The following ADAMTS17 variants were observed in gnomAD, a reference collection of about 807,000 sequenced individuals.
The protein encoded by ADAMTS17 is A disintegrin and metalloproteinase with thrombospondin motifs 17.
In ADAMTS17, 113 loss-of-function variants were observed where a neutral mutation model predicts 141.5. The ratio of observed to expected loss-of-function variants is 0.80; its 90% CI spans 0.69 to 0.93. The LOEUF is 0.93. Ranked by LOEUF, ADAMTS17 falls within the 40% of genes least tolerant of loss-of-function variation. The pLI is 0.00. For synonymous variants in ADAMTS17, 768 were observed against 630.6 expected (o/e 1.22, Z -3.27); for missense variants, 1,659 against 1,517.9 (o/e 1.09, Z -1.54).
intron 15 of ADAMTS17, among the ~76,000 whole-genome samples, chr15:100,054,958 C>T (rs2032444477): frequency 2.0e-5 from 3 of 152,114 alleles, no homozygotes; most frequent in Admixed American, 2.0e-4. Context: ...CTCATGAGGA[C>T]AGCACTCTGC....
At chr15:100,085,779 T>C (rs968100354) in intron 15 of ADAMTS17, among the ~76,000 whole-genome samples, 4 of 150,690 alleles carry the variant, frequency 2.7e-5, no homozygotes, top group Admixed American at 6.6e-5. Context: ...TAAAATATTA[T>C]ACAGACAAGC....
In ADAMTS17 at chr15:100,217,415, C is replaced by T. The variant is rs538735403; in HGVS notation, c.1076-17992G>A. 1.5e-3 allele frequency among the ~76,000 whole-genome samples: 233 copies of T among 152,148 alleles called. 1 individual carries two copies. The highest frequency in any genetic ancestry group is 5.2e-3 in the African/African-American group (215 of 41,514). The stretch of plus-strand genomic sequence containing the variant: ...GAGTTCAAGACCAGCCTGGCCAACA[C>T]GGGAAAACCCTGTCTCTACTAAAAA... On this transcript the variant is annotated intron_variant, in intron 7 of 21. Coordinates refer to ENST00000268070, the MANE Select transcript of ADAMTS17 (RefSeq NM_139057.4).
chr15:100,133,894 GT>G (rs2141249364), intron 10 of ADAMTS17, among the ~76,000 whole-genome samples: 1 of 43,626 alleles, frequency 2.3e-5, no homozygotes, highest in East Asian at 1.5e-3. Flanking sequence ...CAGCTGAGCT[GT>G]GCACAATTTT....
intron 3 of ADAMTS17, among the ~76,000 whole-genome samples, chr15:100,329,390 C>G (rs2045982220): frequency 6.6e-6 from 1 of 152,012 alleles, no homozygotes; most frequent in Non-Finnish European, 1.5e-5. Flanking sequence ...CAAAAATTAG[C>G]CAGGTGTGGT....
At chr15:100,219,822 A>G (rs902413560) in intron 7 of ADAMTS17, among the ~76,000 whole-genome samples, 5 of 152,210 alleles carry the variant, frequency 3.3e-5, no homozygotes, top group African/African-American at 1.2e-4. Flanking sequence ...CCTTCATGCA[A>G]AAAGATACAA....
chr15:100,148,020 T>G (rs1596558373), intron 10 of ADAMTS17, among the ~76,000 whole-genome samples: 1 of 152,226 alleles, frequency 6.6e-6, no homozygotes, highest in African/African-American at 2.4e-5. Context: ...TCCGACTTCA[T>G]GCTTCTATTG....
At chr15:99,978,978 T>C (rs1219237663) in intron 20 of ADAMTS17, 1 of 152,258 alleles carries the variant, frequency 6.6e-6, no homozygotes, top group East Asian at 1.9e-4. Context: ...TAGTTGTGTC[T>C]CTGCACACAC....
intron 8 of ADAMTS17, among the ~76,000 whole-genome samples, chr15:100,197,829 C>G (rs1261253748): frequency 6.6e-6 from 1 of 152,176 alleles, no homozygotes; most frequent in Non-Finnish European, 1.5e-5. Flanking sequence ...AAAACAACAA[C>G]AAAAACATGC....
In ADAMTS17 at chr15:100,313,671, T is replaced by C. The variant is rs555144224; in HGVS notation, c.616+17218A>G. ...ATACAGCATGTGCCTCCTGATAAGA[T>C]GCACTGAGCAGAACACAACATCACT... is the stretch of plus-strand genomic sequence containing the variant. On this transcript the variant is annotated intron_variant, in intron 3 of 21. Coordinates refer to ENST00000268070, the MANE Select transcript of ADAMTS17 (RefSeq NM_139057.4). Among the ~76,000 whole-genome samples, 30 of 152,320 alleles carry C rather than the reference T, an allele frequency of 2.0e-4. No homozygotes were observed. The South Asian group carries it at 4.8e-3, about 24-fold the overall frequency.
At chr15:100,012,654 C>G (rs757184086) in intron 18 of ADAMTS17, among the ~76,000 whole-genome samples, 5 of 152,114 alleles carry the variant, frequency 3.3e-5, no homozygotes, top group Admixed American at 1.3e-4. Flanking sequence ...CCTTTCCCCA[C>G]TTTATGTTTT....
chr15:100,234,891 C>G (rs112502952), intron 7 of ADAMTS17, among the ~76,000 whole-genome samples: 2 of 152,064 alleles, frequency 1.3e-5, no homozygotes, highest in Non-Finnish European at 2.9e-5. Context: ...TTTGTAACCA[C>G]GGGGTAGAGG....
At chr15:100,169,873 C>A (rs970902448) in intron 8 of ADAMTS17, among the ~76,000 whole-genome samples, 3 of 152,156 alleles carry the variant, frequency 2.0e-5, no homozygotes, top group African/African-American at 7.2e-5. Flanking sequence ...AAATCTTGGA[C>A]CAGCTTGAAG....
At chr15:100,084,877 A>G (rs2034996880) in intron 15 of ADAMTS17, among the ~76,000 whole-genome samples, 1 of 152,208 alleles carries the variant, frequency 6.6e-6, no homozygotes, top group South Asian at 2.1e-4. Context: ...GGTAGATAAA[A>G]CCACCAACAT....
intron 12 of ADAMTS17, among the ~76,000 whole-genome samples, chr15:100,123,419 T>C (rs949944184): frequency 5.9e-5 from 9 of 152,202 alleles, no homozygotes; most frequent in Admixed American, 3.9e-4. Context: ...GTCCAGTCTT[T>C]CCCTCACCCT....
Position 100,069,831 on chromosome 15 carries a change from C to T in ADAMTS17, c.2138-15777G>A, listed in dbSNP as rs554808298. On this transcript the variant is annotated intron_variant, in intron 15 of 21. Transcript: ENST00000268070. ...CCATCAAGGCTAGGAAGAAACTGCACCAACTAACGAGCAAAATATCCAGTT... is the reference window on the plus strand; with the variant it reads ...CCATCAAGGCTAGGAAGAAACTGCATCAACTAACGAGCAAAATATCCAGTT... Among the ~76,000 whole-genome samples, 9 of 149,924 alleles carry T rather than the reference C, an allele frequency of 6.0e-5. 1 individual carries two copies. Among genetic ancestry groups the T allele is most frequent in the South Asian group, 2.1e-4 (1 of 4,746 alleles).
chr15:100,124,478 C>T (rs771681153), intron 12 of ADAMTS17, among the ~76,000 whole-genome samples: 3 of 152,186 alleles, frequency 2.0e-5, no homozygotes, highest in African/African-American at 2.4e-5. Context: ...CTGACAACAC[C>T]GGTGTCAGTG....
intron 7 of ADAMTS17, among the ~76,000 whole-genome samples, chr15:100,248,388 G>A (rs143227111): frequency 1.2e-4 from 19 of 152,226 alleles, no homozygotes; most frequent in South Asian, 4.1e-4. Flanking sequence ...GGAGAGAAGC[G>A]GCTGCTGTCT....
intron 15 of ADAMTS17, among the ~76,000 whole-genome samples, chr15:100,078,472 G>T (rs2034525741): frequency 6.6e-6 from 1 of 152,204 alleles, no homozygotes; most frequent in Admixed American, 6.5e-5. Flanking sequence ...ATCGGGGAAA[G>T]AACAGTCTTC....
intron 18 of ADAMTS17, among the ~76,000 whole-genome samples, chr15:100,048,252 G>A (rs1249634918): frequency 6.6e-6 from 1 of 152,134 alleles, no homozygotes; most frequent in African/African-American, 2.4e-5. Flanking sequence ...ACAACGTAAT[G>A]GATTCATTAT....
Sources: allele counts gnomAD v4.1 joint callset (sites outside exome capture counted in the v4.1 genomes callset), GRCh38; gene constraint gnomAD v4.1.1; transcripts MANE v1.5; gene names NCBI Gene and HGNC (gene_info 2026-07-23, HGNC 2026-07-21).